The following CTNNA2 variants were observed in gnomAD, a reference collection of about 807,000 sequenced individuals.
The protein encoded by CTNNA2 is catenin alpha 2, also known as catenin alpha-2.
A neutral mutation model predicts 101.0 loss-of-function variants in CTNNA2; 42 were observed. That is an observed-to-expected ratio of 0.42 (90% confidence interval 0.32 to 0.54). The LOEUF (loss-of-function observed/expected upper bound fraction) is 0.54. CTNNA2 is among the 20% of genes least tolerant of loss of function. CTNNA2 has a pLI of 0.14. For synonymous variants in CTNNA2, 450 were observed against 456.4 expected (o/e 0.99, Z 0.18); for missense variants, 871 against 1,223.1 (o/e 0.71, Z 4.29).
chr2:79,625,619 T>C (rs1365998567), intron 1 of CTNNA2, among the ~76,000 whole-genome samples: 2 of 152,204 alleles, frequency 1.3e-5, no homozygotes, highest in Admixed American at 6.5e-5. Flanking sequence ...GCATCCAGTT[T>C]CTCAGGTGTG....
chr2:80,524,446 G>T (rs1157465940), intron 9 of CTNNA2, among the ~76,000 whole-genome samples: 1 of 152,000 alleles, frequency 6.6e-6, no homozygotes, highest in Admixed American at 6.6e-5. Context: ...GGTGACATTT[G>T]CCCAGTGGTC....
chr2:80,344,266 T>G (rs1244623842), intron 7 of CTNNA2, among the ~76,000 whole-genome samples: 1 of 152,174 alleles, frequency 6.6e-6, no homozygotes, highest in Non-Finnish European at 1.5e-5. Context: ...CCTGATCTCT[T>G]AACTCTGGAG....
chr2:80,533,910 T>C (rs1690762787), intron 9 of CTNNA2, among the ~76,000 whole-genome samples: 1 of 152,198 alleles, frequency 6.6e-6, no homozygotes, highest in Non-Finnish European at 1.5e-5. Flanking sequence ...CCACACATTA[T>C]TGATGAGCCA....
intron 7 of CTNNA2, among the ~76,000 whole-genome samples, chr2:80,229,949 A>G (rs1036034351): frequency 6.6e-6 from 1 of 152,096 alleles, no homozygotes; most frequent in Non-Finnish European, 1.5e-5. Flanking sequence ...CGGTGGTCCT[A>G]TAAGATTACA....
At chr2:79,549,946 G>A (rs1454927734) in intron 1 of CTNNA2, among the ~76,000 whole-genome samples, 1 of 152,100 alleles carries the variant, frequency 6.6e-6, no homozygotes, top group African/African-American at 2.4e-5. Flanking sequence ...AGGTATGTTT[G>A]TTTTAATTAT....
intron 9 of CTNNA2, among the ~76,000 whole-genome samples, chr2:80,446,030 C>T (rs958425501): frequency 2.0e-5 from 3 of 152,090 alleles, no homozygotes; most frequent in African/African-American, 7.2e-5. Context: ...GGATACATGG[C>T]AAGACTCTGG....
chr2:80,206,941 G>A (rs1158079960), intron 7 of CTNNA2, among the ~76,000 whole-genome samples: 1 of 152,134 alleles, frequency 6.6e-6, no homozygotes, highest in African/African-American at 2.4e-5. Context: ...CAACTGATAA[G>A]CAATTAGAAA....
intron 2 of CTNNA2, among the ~76,000 whole-genome samples, chr2:79,264,350 A>G (rs1429439235): frequency 1.3e-5 from 2 of 152,184 alleles, no homozygotes; most frequent in South Asian, 2.1e-4. Context: ...CGCATTTTTT[A>G]ATAGAAATTA....
chr2:79,827,767 G>A (rs1678561792), intron 3 of CTNNA2, among the ~76,000 whole-genome samples: 1 of 152,036 alleles, frequency 6.6e-6, no homozygotes, highest in Non-Finnish European at 1.5e-5. Context: ...CAGAGGCAAA[G>A]GAATATGAAA....
intron 13 of CTNNA2, chr2:80,575,304 G>A (rs1258536530): frequency 1.3e-5 from 2 of 152,098 alleles, no homozygotes; most frequent in African/African-American, 4.8e-5. Context: ...GCAAAAAGAT[G>A]AAATTAATTA....
At chr2:80,561,935 C>T (rs376737909) in intron 12 of CTNNA2, among the ~76,000 whole-genome samples, 1 of 151,228 alleles carries the variant, frequency 6.6e-6, no homozygotes, top group East Asian at 2.0e-4. Flanking sequence ...CTCGGCCTCT[C>T]AAAGTGCTGG....
At chr2:79,940,808 A>G (rs1424910381) in intron 7 of CTNNA2, among the ~76,000 whole-genome samples, 1 of 152,232 alleles carries the variant, frequency 6.6e-6, no homozygotes, top group African/African-American at 2.4e-5. Flanking sequence ...TTTTATAACA[A>G]AATGTTAAAT....
At chr2:79,495,537 G>A (rs1380581775) in intron 4 of CTNNA2, among the ~76,000 whole-genome samples, 2 of 152,148 alleles carry the variant, frequency 1.3e-5, no homozygotes, top group Admixed American at 1.3e-4. Context: ...AAATGATGCA[G>A]TCACTTTGGA....
At chr2:80,165,853 C>T (rs1233637364) in intron 7 of CTNNA2, among the ~76,000 whole-genome samples, 1 of 152,130 alleles carries the variant, frequency 6.6e-6, no homozygotes, top group African/African-American at 2.4e-5. Flanking sequence ...CTGATACCAC[C>T]CTGGTGTGAA....
intron 2 of CTNNA2, among the ~76,000 whole-genome samples, chr2:79,705,428 T>C (rs1415097497): frequency 6.6e-6 from 1 of 152,090 alleles, no homozygotes; most frequent in Non-Finnish European, 1.5e-5. Context: ...GAAATTAAAC[T>C]TTATCATAGG....
At chr2:79,900,845 A>T (rs963497330) in intron 6 of CTNNA2, among the ~76,000 whole-genome samples, 4 of 152,214 alleles carry the variant, frequency 2.6e-5, no homozygotes, top group Admixed American at 1.3e-4. Context: ...GCTTGAGGTG[A>T]TGGACACCTC....
intron 1 of CTNNA2, chr2:79,636,776 C>T (rs1210019055): frequency 6.6e-6 from 1 of 152,070 alleles, no homozygotes; most frequent in East Asian, 1.9e-4. Flanking sequence ...AATTTTGATG[C>T]ATATCTTTCC....
intron 18 of CTNNA2, among the ~76,000 whole-genome samples, chr2:80,638,653 A>G (rs1405194093): frequency 6.6e-6 from 1 of 152,228 alleles, no homozygotes; most frequent in African/African-American, 2.4e-5. Flanking sequence ...GGTGAGAAAA[A>G]AAATGGCTCT....
upstream of CTNNA2, among the ~76,000 whole-genome samples, chr2:79,509,971 C>T (rs1671500207): frequency 6.6e-6 from 1 of 152,206 alleles, no homozygotes. Context: ...AGTGAAATTT[C>T]TGGAGCTGAC....
Sources: gnomAD v4.1 joint callset for allele counts (sites outside exome capture counted in the v4.1 genomes callset) on GRCh38, gnomAD v4.1.1 for gene constraint, MANE v1.5 for transcripts, NCBI Gene and HGNC (gene_info 2026-07-23, HGNC 2026-07-21) for gene names.